The following ADGRB3 variants were observed in gnomAD, a reference collection of about 807,000 sequenced individuals.
The protein encoded by ADGRB3 is adhesion G protein-coupled receptor B3, also known as brain-specific angiogenesis inhibitor 3.
In ADGRB3, 37 loss-of-function variants were observed where a neutral mutation model predicts 193.4. The observed-to-expected ratio is 0.19, with a 90% CI of 0.15 to 0.25. The LOEUF (loss-of-function observed/expected upper bound fraction) is 0.25, where lower values mean the gene tolerates loss of function less well. Among genes scored for constraint, ADGRB3 ranks in the 10% least tolerant of loss-of-function variants. The pLI, the probability that ADGRB3 is intolerant of heterozygous loss-of-function variation, is 1.00. For synonymous variants in ADGRB3, 690 were observed against 644.2 expected (o/e 1.07, Z -1.08); for missense variants, 1,637 against 1,852.9 (o/e 0.88, Z 2.14).
Position 68,677,521 on chromosome 6 carries a change from CTTTTTTTTTT to C in ADGRB3, c.757+38097_757+38106del, listed in dbSNP as rs1002070733. Among the ~76,000 whole-genome samples the C allele has an allele frequency of 5.6e-4, 67 of 120,318 alleles. 1 individual carries two copies. Among genetic ancestry groups the C allele is most frequent in the Middle Eastern group, 4.9e-3 (1 of 206 alleles). The allele number at this position is 120,318 out of a possible 152,430, so 78.9% of individuals were successfully genotyped here. A position where few individuals can be genotyped will look rare whatever the true frequency, so the allele number is the denominator to read the frequency against. ...ATTTTTTTCTTTTTTTTCTTTTTTTCTTTTTTTTTTTTTTTTTGACAGGTCTCACTCTGTT... is the reference window on the plus strand; with the variant it reads ...ATTTTTTTCTTTTTTTTCTTTTTTTCTTTTTTTGACAGGTCTCACTCTGTT... On this transcript the variant is annotated intron_variant, in intron 3 of 31. Transcript: ENST00000370598.
At chr6:69,175,504 G>A (rs533315439) in intron 17 of ADGRB3, among the ~76,000 whole-genome samples, 1 of 152,314 alleles carries the variant, frequency 6.6e-6, no homozygotes, top group South Asian at 2.1e-4. Context: ...GTATGTGTCT[G>A]TTTTTGTACA....
intron 10 of ADGRB3, among the ~76,000 whole-genome samples, chr6:68,990,196 A>G (rs1336640): frequency 6.6e-6 from 1 of 151,766 alleles, no homozygotes; most frequent in Non-Finnish European, 1.5e-5. Flanking sequence ...ATAGGTAGTG[A>G]AAGGGTAGAC....
At chr6:68,664,956 G>A (rs1768763976) in intron 3 of ADGRB3, among the ~76,000 whole-genome samples, 1 of 151,654 alleles carries the variant, frequency 6.6e-6, no homozygotes, top group African/African-American at 2.4e-5. Context: ...TCTTTGGGTG[G>A]GAGCTCATCT....
At chr6:69,220,702 C>T (rs946190267) in intron 17 of ADGRB3, among the ~76,000 whole-genome samples, 2 of 152,088 alleles carry the variant, frequency 1.3e-5, no homozygotes, top group African/African-American at 4.8e-5. Flanking sequence ...TTAATTACGC[C>T]ATTGAGGGTT....
chr6:69,329,112 G>T (rs1228451586), intron 22 of ADGRB3, among the ~76,000 whole-genome samples: 1 of 131,608 alleles, frequency 7.6e-6, no homozygotes, highest in Non-Finnish European at 1.7e-5. Context: ...AGTATATCTT[G>T]AAAGATATAC....
chr6:68,734,089 AT>A (rs1020631718), intron 3 of ADGRB3, among the ~76,000 whole-genome samples: 4 of 145,156 alleles, frequency 2.8e-5, no homozygotes, highest in Non-Finnish European at 4.7e-5. Flanking sequence ...CAACTATGGT[AT>A]TTTTTTTCAA....
intron 3 of ADGRB3, among the ~76,000 whole-genome samples, chr6:68,893,193 T>C (rs574260676): frequency 6.6e-6 from 1 of 152,232 alleles, no homozygotes; most frequent in South Asian, 2.1e-4. Context: ...CTGTTATTGC[T>C]TGGAAATGCA....
chr6:69,002,868 A>G (rs776143350), intron 11 of ADGRB3, among the ~76,000 whole-genome samples: 3 of 152,186 alleles, frequency 2.0e-5, no homozygotes, highest in African/African-American at 7.2e-5. Context: ...CCTCTGCTCA[A>G]GAGGCATTGT....
intron 17 of ADGRB3, among the ~76,000 whole-genome samples, chr6:69,109,946 A>ATT (rs33959992): frequency 2.0e-4 from 26 of 129,636 alleles, no homozygotes; most frequent in Non-Finnish European, 1.3e-4. Context: ...GCCTTCTTTA[A>ATT]TTTTTTTTTT....
At chr6:68,722,669 C>A (rs1408894410) in intron 3 of ADGRB3, among the ~76,000 whole-genome samples, 2 of 150,572 alleles carry the variant, frequency 1.3e-5, no homozygotes, top group African/African-American at 4.9e-5. Context: ...TTCTTCAGTA[C>A]CTTTCAATTA....
intron 3 of ADGRB3, among the ~76,000 whole-genome samples, chr6:68,787,467 C>T (rs560117524): frequency 6.6e-5 from 10 of 152,158 alleles, no homozygotes; most frequent in Admixed American, 2.0e-4. Context: ...TATTGATTTG[C>T]GTATTTTGAA....
intron 17 of ADGRB3, among the ~76,000 whole-genome samples, chr6:69,112,945 A>G (rs1773408994): frequency 6.6e-6 from 1 of 152,102 alleles, no homozygotes. Context: ...TTCAGTAGAG[A>G]TGGGGTTTCA....
chr6:68,743,927 CCCT>C (rs1766031243), intron 3 of ADGRB3, among the ~76,000 whole-genome samples: 2 of 151,408 alleles, frequency 1.3e-5, no homozygotes, highest in Admixed American at 6.6e-5. Flanking sequence ...ATGGTTAGAG[CCCT>C]CCTCCTTTTT....
intron 3 of ADGRB3, among the ~76,000 whole-genome samples, chr6:68,906,317 T>C (rs921084165): frequency 6.6e-6 from 1 of 151,966 alleles, no homozygotes; most frequent in African/African-American, 2.4e-5. Flanking sequence ...GTATACCATA[T>C]ATATTGTTGG....
intron 3 of ADGRB3, among the ~76,000 whole-genome samples, chr6:68,673,137 C>T (rs1201081003): frequency 1.3e-5 from 2 of 151,854 alleles, no homozygotes; most frequent in Non-Finnish European, 2.9e-5. Flanking sequence ...ATGACAAGAA[C>T]GATTAAAGTC....
intron 3 of ADGRB3, among the ~76,000 whole-genome samples, chr6:68,808,242 T>C (rs762914161): frequency 6.6e-6 from 1 of 152,150 alleles, no homozygotes; most frequent in Non-Finnish European, 1.5e-5. Context: ...AAATGTATAA[T>C]CAATAAGAGA....
At chr6:69,254,269 A>C (rs1766699371) in intron 20 of ADGRB3, among the ~76,000 whole-genome samples, 1 of 152,200 alleles carries the variant, frequency 6.6e-6, no homozygotes, top group Non-Finnish European at 1.5e-5. Flanking sequence ...AATATCTGAA[A>C]ACAGTTGCTC....
intron 13 of ADGRB3, 41 bp downstream of exon 13, chr6:69,018,540 A>C (rs751772597): frequency 7.1e-7 from 1 of 1,414,382 alleles, no homozygotes; most frequent in East Asian, 2.3e-5. Context: ...TCTGAAATAA[A>C]AAAAAATTGC....
rs1769309654 is a variant in ADGRB3, at chr6:68,993,874, G to A, written c.1841G>A (p.Gly614Asp). 1.9e-6 allele frequency: 3 copies of A among 1,613,834 alleles called. No homozygotes were observed. The change falls in exon 11 of 32, where the codon GGC becomes GAC. Residue 614 changes from glycine to aspartate, a missense_variant. Physicochemically the swap from Gly to Asp is moderately conservative, Grantham distance 94. This residue lies in a region of ADGRB3 where 641 missense variants were observed against 673.9 expected (regional missense o/e 0.95). Coordinates refer to ENST00000370598, the MANE Select transcript of ADGRB3 (RefSeq NM_001704.3). ...DLTQRKNFYA[G>D]DLLMSVEILR... ...ACTCAGAGAAAAAATTTCTATGCAGGCGATCTTCTGATGTCTGTGGAGATC... is the reference window on the plus strand; with the variant it reads ...ACTCAGAGAAAAAATTTCTATGCAGACGATCTTCTGATGTCTGTGGAGATC...
Sources: gnomAD v4.1 joint callset for allele counts (sites outside exome capture counted in the v4.1 genomes callset) on GRCh38, gnomAD v4.1.1 for gene constraint, gnomAD v4.1.1 regional missense constraint, MANE v1.5 for transcripts, NCBI Gene and HGNC (gene_info 2026-07-23, HGNC 2026-07-21) for gene names.